The following UTRN variants were observed in gnomAD, a reference collection of about 807,000 sequenced individuals.
UTRN encodes utrophin.
In UTRN, 283 loss-of-function variants were observed where a neutral mutation model predicts 463.9. That is an observed-to-expected ratio of 0.61 (90% confidence interval 0.55 to 0.67). UTRN has a LOEUF of 0.67. Ranked by LOEUF, UTRN falls within the 30% of genes least tolerant of loss-of-function variation. The pLI is 0.00. For missense variants in UTRN, 3,922 were observed against 4,084.3 expected, an observed-to-expected ratio of 0.96 and a Z score of 1.08; for synonymous variants, 1,442 against 1,431.5, an observed-to-expected ratio of 1.01 and a Z score of -0.17.
At chr6:144,596,554 A>G (rs1291456454) in intron 51 of UTRN, among the ~76,000 whole-genome samples, 2 of 152,228 alleles carry the variant, frequency 1.3e-5, no homozygotes, top group African/African-American at 2.4e-5. Context: ...CTGTACTACC[A>G]AAGTGTATTT....
intron 61 of UTRN, among the ~76,000 whole-genome samples, chr6:144,786,210 C>T (rs990819893): frequency 6.6e-6 from 1 of 152,114 alleles, no homozygotes; most frequent in African/African-American, 2.4e-5. Flanking sequence ...TTGTCTGGTC[C>T]CACGTAACCT....
intron 53 of UTRN, among the ~76,000 whole-genome samples, chr6:144,704,339 A>G (rs1040703376): frequency 6.6e-6 from 1 of 152,120 alleles, no homozygotes; most frequent in African/African-American, 2.4e-5. Flanking sequence ...ATATTAACAT[A>G]TTATTCTCAA....
At chr6:144,423,938 AT>A (rs1473021578) in intron 5 of UTRN, 47 bp from the exon 6 acceptor site, 1 of 1,579,536 alleles carries the variant, frequency 6.3e-7, no homozygotes, top group South Asian at 1.1e-5. Context: ...CTGTGAAGAA[AT>A]TGTCTTAAAA....
At chr6:144,574,881 C>CT (rs1317866188) in intron 50 of UTRN, among the ~76,000 whole-genome samples, 1 of 152,112 alleles carries the variant, frequency 6.6e-6, no homozygotes, top group African/African-American at 2.4e-5. Flanking sequence ...TGTGCCCCAC[C>CT]TAGACATATG....
At chr6:144,551,688 T>C (rs1414750742) in intron 48 of UTRN, among the ~76,000 whole-genome samples, 1 of 152,206 alleles carries the variant, frequency 6.6e-6, no homozygotes, top group Non-Finnish European at 1.5e-5. Flanking sequence ...GGGAATGTAC[T>C]ACCAATAGCA....
At chr6:144,698,302 A>G (rs1784223913) in intron 52 of UTRN, among the ~76,000 whole-genome samples, 1 of 152,210 alleles carries the variant, frequency 6.6e-6, no homozygotes, top group African/African-American at 2.4e-5. Flanking sequence ...GTTTTGTAAA[A>G]TGAGTTCAAT....
chr6:144,533,945 G>T (rs1219936161), intron 43 of UTRN, among the ~76,000 whole-genome samples: 3 of 151,856 alleles, frequency 2.0e-5, no homozygotes, highest in Non-Finnish European at 4.4e-5. Flanking sequence ...CGTCATTAAT[G>T]ATCTTTTTTG....
At chr6:144,404,096 G>T (rs1362055576) in intron 3 of UTRN, among the ~76,000 whole-genome samples, 1 of 152,200 alleles carries the variant, frequency 6.6e-6, no homozygotes, top group Non-Finnish European at 1.5e-5. Context: ...TTGAGTAGCA[G>T]CATAGTTTAA....
chr6:144,436,187 G>C (rs768335113), intron 10 of UTRN, 49 bp downstream of exon 10: 1 of 1,550,574 alleles, frequency 6.4e-7, no homozygotes, highest in Non-Finnish European at 8.8e-7. Flanking sequence ...CGGGACCTGA[G>C]CCTTAATCAG....
intron 3 of UTRN, among the ~76,000 whole-genome samples, chr6:144,412,793 T>C (rs867238417): frequency 0.03 from 4,248 of 139,902 alleles, 202 homozygotes; most frequent in African/African-American, 0.11. Flanking sequence ...ACACACACAG[T>C]AAACAATGGG....
chr6:144,805,536 C>A (rs1778074421), intron 65 of UTRN, among the ~76,000 whole-genome samples: 1 of 152,088 alleles, frequency 6.6e-6, no homozygotes, highest in Admixed American at 6.5e-5. Flanking sequence ...AAAAGGTTAG[C>A]GTGATTGGGC....
At chr6:144,571,465 C>T (rs1800931048) in intron 50 of UTRN, among the ~76,000 whole-genome samples, 1 of 152,184 alleles carries the variant, frequency 6.6e-6, no homozygotes, top group Non-Finnish European at 1.5e-5. Flanking sequence ...TTACCTTCTT[C>T]TATCATTTTT....
At chr6:144,834,334 G>C (rs1293068141) in intron 69 of UTRN, among the ~76,000 whole-genome samples, 1 of 152,062 alleles carries the variant, frequency 6.6e-6, no homozygotes, top group Non-Finnish European at 1.5e-5. Context: ...TTTCTAGAGG[G>C]AGAGAAAAAG....
At chr6:144,362,037 CA>C (rs1359385604) in intron 2 of UTRN, among the ~76,000 whole-genome samples, 2 of 151,538 alleles carry the variant, frequency 1.3e-5, no homozygotes, top group African/African-American at 4.9e-5. Flanking sequence ...ATAATGGCAA[CA>C]ACAACAAAAA....
At position 144,548,680 on chromosome 6, in the gene UTRN, G is replaced by A. The variant is rs114264984; in HGVS notation, c.6636G>A (p.Ala2212=). 566 of 1,613,828 alleles carry A rather than the reference G, an allele frequency of 3.5e-4. 1 individual carries two copies. Among genetic ancestry groups the A allele is most frequent in the Non-Finnish European group, 4.5e-4 (532 of 1,179,838 alleles). Residue 2212 remains alanine (A), a synonymous_variant, in exon 47 of 75, where the codon GCG becomes GCA. Coordinates refer to ENST00000367545, the MANE Select transcript of UTRN (RefSeq NM_007124.3). ...NVQKVVLVSS[A]SDIPVQSHRT... ...AAAAGGTGGTGCTAGTATCATCTGC[G>A]TCAGATATTCCTGTTCAGTCTCATC...
At chr6:144,389,168 G>C (rs1023984834) in intron 2 of UTRN, among the ~76,000 whole-genome samples, 4 of 152,214 alleles carry the variant, frequency 2.6e-5, no homozygotes, top group African/African-American at 9.6e-5. Context: ...ACAACTCGAA[G>C]TGGGGACGGG....
In UTRN at chr6:144,506,125, C is replaced by T. The variant is rs1232927469; in HGVS notation, c.4765-4819C>T. Among the ~76,000 whole-genome samples the T allele has an allele frequency of 7.3e-5, 11 of 150,530 alleles. No homozygotes were observed. In the East Asian group the frequency reaches 1.9e-3, roughly 27 times the overall value. On this transcript the variant is annotated intron_variant, in intron 34 of 74. Coordinates refer to ENST00000367545, the MANE Select transcript of UTRN (RefSeq NM_007124.3). ...TTCCATTTGTTTGGTAAATATTCCT[C>T]TATCCCTTTATTTTGAGTCTATGTG...
intron 53 of UTRN, among the ~76,000 whole-genome samples, chr6:144,704,884 C>G (rs1784934960): frequency 6.6e-6 from 1 of 152,084 alleles, no homozygotes; most frequent in Non-Finnish European, 1.5e-5. Context: ...ATTGCTGGAA[C>G]CCAGGAGGCA....
At chr6:144,330,994 G>A (rs188902533) in intron 2 of UTRN, 1 of 985,332 alleles carries the variant, frequency 1.0e-6, no homozygotes, top group Admixed American at 6.1e-5. Flanking sequence ...ATCCACAAAC[G>A]GAGACGGCAG....
Sources: allele counts gnomAD v4.1 joint callset (sites outside exome capture counted in the v4.1 genomes callset), GRCh38; gene constraint gnomAD v4.1.1; transcripts MANE v1.5; gene names NCBI Gene and HGNC (gene_info 2026-07-23, HGNC 2026-07-21).